The following ADAMTSL2 variants were observed in gnomAD, a reference collection of about 807,000 sequenced individuals.
ADAMTSL2 encodes ADAMTS like 2, also known as ADAMTS-like protein 2.
A neutral mutation model predicts 117.0 loss-of-function variants in ADAMTSL2; 55 were observed. The observed-to-expected ratio is 0.47, with a 90% CI of 0.38 to 0.59. The LOEUF (loss-of-function observed/expected upper bound fraction) is 0.59. ADAMTSL2 is among the 20% of genes least tolerant of loss of function. The pLI, the probability that ADAMTSL2 is intolerant of heterozygous loss-of-function variation, is 0.00. For missense variants in ADAMTSL2, 1,182 were observed against 1,354.5 expected (o/e 0.87, Z 2.00); for synonymous variants, 572 against 566.4 (o/e 1.01, Z -0.14).
intron 12 of ADAMTSL2, among the ~76,000 whole-genome samples, chr9:133,562,063 G>A (rs112066713): frequency 0.19 from 29,660 of 152,214 alleles, 3,165 homozygotes; most frequent in African/African-American, 0.27. Flanking sequence ...ATGTTTGGAT[G>A]TAGAGGATAC....
chr9:133,540,991 T>C lies in ADAMTSL2; in HGVS notation c.672T>C (p.Asn224=), dbSNP rs1830209592. The part of the protein sequence containing the change: ...THVTGNYRKG[N]AHLGYSLVTH... ...TGACGGGCAACTATCGCAAGGGGAA[T>C]GCCCACCTTGGTAAGCCACAGCGCG... Residue 224 remains asparagine (N), a synonymous_variant, in exon 7 of 19, where the codon AAT becomes AAC. Transcript: ENST00000651351. 1 of 1,613,298 alleles carries C rather than the reference T, an allele frequency of 6.2e-7. No homozygotes were observed. Among genetic ancestry groups the C allele is most frequent in the African/African-American group, 1.3e-5 (1 of 75,066 alleles).
At chr9:133,561,898 C>T (rs1259903368) in intron 12 of ADAMTSL2, among the ~76,000 whole-genome samples, 1 of 152,174 alleles carries the variant, frequency 6.6e-6, no homozygotes, top group Non-Finnish European at 1.5e-5. Flanking sequence ...GCTGGAGCTG[C>T]CTCTGCTGCC....
At chr9:133,556,487 C>G (rs1830607907) in intron 11 of ADAMTSL2, among the ~76,000 whole-genome samples, 1 of 152,182 alleles carries the variant, frequency 6.6e-6, no homozygotes, top group Non-Finnish European at 1.5e-5. Context: ...GGCTCAGTCC[C>G]AAGCCTCAGC....
intron 9 of ADAMTSL2, among the ~76,000 whole-genome samples, chr9:133,552,318 C>T (rs886101680): frequency 2.0e-5 from 3 of 149,876 alleles, no homozygotes; most frequent in South Asian, 2.1e-4. Context: ...AAGGGGCTGC[C>T]GAATCTTCAC....
At chr9:133,539,158 C>T (rs533043466) in intron 4 of ADAMTSL2, among the ~76,000 whole-genome samples, 30 of 152,202 alleles carry the variant, frequency 2.0e-4, no homozygotes, top group African/African-American at 4.6e-4. Context: ...TCTGTGTTGG[C>T]GTCACCTGGT....
intron 5 of ADAMTSL2, 99 bp downstream of exon 5, chr9:133,539,972 G>A (rs2131098976): frequency 9.0e-7 from 1 of 1,114,046 alleles, no homozygotes; most frequent in South Asian, 1.3e-5. Flanking sequence ...TGGGCAGGTG[G>A]GGAAATGGAG....
chr9:133,554,206 G>T lies in ADAMTSL2; in HGVS notation c.940-151G>T, dbSNP rs147007407. 1 of 725,068 alleles carries T rather than the reference G, an allele frequency of 1.4e-6. No individual in the cohort carries two copies. Among genetic ancestry groups the T allele is most frequent in the African/African-American group, 1.8e-5 (1 of 56,284 alleles). 44.9% of individuals were successfully genotyped at this position (725,068 alleles called of 1,614,324 possible). A position where few individuals can be genotyped will look rare whatever the true frequency, so the allele number is the denominator to read the frequency against. On this transcript the variant is annotated intron_variant, in intron 9 of 18. Coordinates refer to ENST00000651351, the MANE Select transcript of ADAMTSL2 (RefSeq NM_014694.4). This position sits in a 1 kb window ranked among gnomAD's most constrained non-coding sequence, Gnocchi z 5.2. ...GATGCCCCTGGGGCAGGAGCACTGC[G>T]TTGGGCTGGGCTAGTCAGTGTCATT...
At chr9:133,539,500 A>G (rs2131096199) in intron 4 of ADAMTSL2, among the ~76,000 whole-genome samples, 1 of 152,246 alleles carries the variant, frequency 6.6e-6, no homozygotes, top group Middle Eastern at 3.4e-3. Flanking sequence ...GGCTGGGAGA[A>G]GGCGTGGTGG....
At position 133,557,788 on chromosome 9, in the gene ADAMTSL2, C is replaced by T. The variant is rs1430040001; in HGVS notation, c.1649+1858C>T. Among the ~76,000 whole-genome samples the T allele has an allele frequency of 6.6e-6, 1 of 152,178 alleles. No individual in the cohort carries two copies. Among genetic ancestry groups the T allele is most frequent in the Non-Finnish European group, 1.5e-5 (1 of 68,032 alleles). On this transcript the variant is annotated intron_variant, in intron 11 of 18. Transcript: ENST00000651351. The surrounding 1 kb of genome is among the most constrained non-coding windows in gnomAD (Gnocchi z 5.2). ...AGTGGGGGGTGCCTTTCAGGACCCA[C>T]TGCCTGGGTCAGGGAGGCCAGCTCT...
intron 12 of ADAMTSL2, among the ~76,000 whole-genome samples, chr9:133,566,583 C>A (rs1364129064): frequency 6.6e-6 from 1 of 152,150 alleles, no homozygotes; most frequent in Non-Finnish European, 1.5e-5. Flanking sequence ...CCTGTCCACC[C>A]AGGGATGGGT....
intron 17 of ADAMTSL2, 52 bp downstream of exon 17, chr9:133,570,559 C>T (rs1831082225): frequency 7.1e-6 from 11 of 1,551,824 alleles, no homozygotes; most frequent in Middle Eastern, 1.7e-4. Context: ...ACCTGAATGT[C>T]GATCCCGCCC....
intron 17 of ADAMTSL2, among the ~76,000 whole-genome samples, chr9:133,572,949 T>C (rs1475552062): frequency 2.0e-5 from 3 of 152,186 alleles, no homozygotes; most frequent in Non-Finnish European, 4.4e-5. Context: ...CAAAGGCTGA[T>C]TGTCCTCACG....
At chr9:133,539,655 G>GGCTGTCCCGGCTGTCCCGGCTGTCCCA (rs1830154124) in intron 4 of ADAMTSL2, 116 bp from the exon 5 acceptor site, 6 of 959,278 alleles carry the variant, frequency 6.3e-6, no homozygotes, top group South Asian at 2.9e-5. Context: ...GCCCCCGCAC[G>GGCTGTCCCGGCTGTCCCGGCTGTCCCA]GCTGTCCCGG....
Position 133,536,760 on chromosome 9 carries a change from T to C in ADAMTSL2, c.48T>C (p.Val16=). The C allele has an allele frequency of 6.2e-7, 1 of 1,614,206 alleles. No homozygotes were observed. The highest frequency in any genetic ancestry group is 8.5e-7 in the Non-Finnish European group (1 of 1,180,028). The change falls in exon 2 of 19, where the codon GTT becomes GTC. Residue 16 remains valine, a synonymous_variant. Transcript: ENST00000651351. ...CCTGCTGGGCCTGGTTCCTGCTGGT[T>C]CTGGCAGTTGTAGCTGGGGACACAG... ...QCSCWAWFLL[V]LAVVAGDTVS... is the part of the protein sequence containing the mutation.
chr9:133,546,944 G>A, intron 8 of ADAMTSL2, 94 bp from the exon 9 acceptor site: 1 of 1,315,938 alleles, frequency 7.6e-7, no homozygotes. Context: ...CGGGGTTCTG[G>A]AGGGCAGGGC....
At chr9:133,569,863 G>T (rs907554786) in intron 16 of ADAMTSL2, among the ~76,000 whole-genome samples, 1 of 152,346 alleles carries the variant, frequency 6.6e-6, no homozygotes, top group Non-Finnish European at 1.5e-5. Context: ...GAAAGCTAGG[G>T]ACAGGGGTTG....
intron 11 of ADAMTSL2, 89 bp from the exon 12 acceptor site, chr9:133,561,109 C>G: frequency 8.8e-7 from 1 of 1,140,034 alleles, no homozygotes; most frequent in Non-Finnish European, 1.3e-6. Context: ...AACATACCCT[C>G]CGAAGAAAAC....
chr9:133,565,006 T>G (rs1263973187), intron 12 of ADAMTSL2, among the ~76,000 whole-genome samples: 1 of 152,104 alleles, frequency 6.6e-6, no homozygotes, highest in Admixed American at 6.5e-5. Flanking sequence ...AGACACTCTT[T>G]TGGAGCCATA....
chr9:133,539,435 G>A (rs575000611), intron 4 of ADAMTSL2, among the ~76,000 whole-genome samples: 2 of 152,338 alleles, frequency 1.3e-5, no homozygotes, highest in East Asian at 1.9e-4. Flanking sequence ...CTGAGGACAC[G>A]GGCGAGGGGA....
Sources: allele counts gnomAD v4.1 joint callset (sites outside exome capture counted in the v4.1 genomes callset), GRCh38; gene constraint gnomAD v4.1.1; non-coding constraint Gnocchi (gnomAD v3.1); transcripts MANE v1.5; gene names NCBI Gene and HGNC (gene_info 2026-07-23, HGNC 2026-07-21).